Variants in HNRNPCL1 observed in about 807,000 individuals in gnomAD.
The protein encoded by HNRNPCL1 is heterogeneous nuclear ribonucleoprotein C-like 1.
In HNRNPCL1, 15 loss-of-function variants were observed where a neutral mutation model predicts 19.0. The ratio of observed to expected loss-of-function variants is 0.79; its 90% CI spans 0.53 to 1.22. The LOEUF is 1.22. Among genes scored for constraint, HNRNPCL1 ranks in the 50% most tolerant of loss-of-function variants. The pLI is 0.00. For missense variants in HNRNPCL1, 327 were observed against 354.7 expected (o/e 0.92, Z 0.63); for synonymous variants, 110 against 129.1 (o/e 0.85, Z 1.00).
At position 12,847,680 on chromosome 1, in the gene HNRNPCL1, T is replaced by C. The variant is rs141872266; in HGVS notation, c.610A>G (p.Ile204Val). 0.043 allele frequency: 67,896 copies of C among 1,580,228 alleles called. 912 individuals carry two copies. The highest frequency in any genetic ancestry group is 0.21 in the East Asian group (9,316 of 43,590). ...TCTTGTTTGCTCTGTTCCTTTTCAA[T>C]TTTTTCCAGGTTTTCCAGGAGAGAA... ...VDSLLENLEKIEKEQSKQEVE... is the reference protein window; with the variant it reads ...VDSLLENLEKVEKEQSKQEVE... Residue 204 changes from isoleucine to valine, a missense_variant, in exon 2 of 2, where the codon ATT becomes GTT. By Grantham distance (29) the Ile-to-Val change is conservative. Transcript: ENST00000317869.
At position 12,848,019 on chromosome 1, in the gene HNRNPCL1, T is replaced by A. The variant is rs768356965; in HGVS notation, c.271A>T (p.Asn91Tyr). 6.2e-7 allele frequency: 1 copy of A among 1,607,400 alleles called. No homozygotes were observed. The change falls in exon 2 of 2, where the codon AAC becomes TAC. Residue 91 changes from asparagine (N) to tyrosine (Y), a missense_variant. By Grantham distance (143) the Asn-to-Tyr change is moderately radical. Around this residue, in one of 2 missense-constraint regions of HNRNPCL1, gnomAD observed 281 missense variants for 254.7 expected, o/e 1.10. Transcript: ENST00000317869. ...DINLAAEPKV[N>Y]RGNAGVKRSA... is the part of the protein sequence containing the mutation. ...CGTTTCACACCTGCGTTTCCTCGGT[T>A]CACTTTTGGCTCCGCAGCCAGGTTA...
rs75660350 is a variant in HNRNPCL1 at position 12,847,780 on chromosome 1, G to A, written c.510C>T (p.Ser170=). 0.05 allele frequency: 79,708 copies of A among 1,602,084 alleles called. 1,517 individuals carry two copies. The highest frequency in any genetic ancestry group is 0.22 in the East Asian group (9,774 of 44,392). The change falls in exon 2 of 2, where the codon TCC becomes TCT. Residue 170 remains serine, a synonymous_variant. Coordinates refer to ENST00000317869, the MANE Select transcript of HNRNPCL1 (RefSeq NM_001013631.3). ...CATCACCTTTCAACTTTCCAGACTT[G>A]GAAGATCCCCGCTTTCCACTCTTAG... The part of the protein sequence containing the change: ...FNSKSGKRGS[S]KSGKLKGDDL...
At chr1:12,848,648 A>G in intron 1 of HNRNPCL1, 33 bp downstream of exon 1, 1 of 289,362 alleles carries the variant, frequency 3.5e-6, no homozygotes, top group South Asian at 7.2e-5. Flanking sequence ...TGTAGGTCAG[A>G]TGGGAGTGTC....
chr1:12,847,846 T>C lies in HNRNPCL1; in HGVS notation c.444A>G (p.Leu148=). Residue 148 remains leucine, a synonymous_variant, in exon 2 of 2, where the codon CTA becomes CTG. Coordinates refer to ENST00000317869, the MANE Select transcript of HNRNPCL1 (RefSeq NM_001013631.3). ...LAVVPSKRQR[L]SGNTSRRGKS... is the part of the protein sequence containing the mutation. ...TGCCCCTTCGTGAGGTGTTTCCTGA[T>C]AGACGTTGACGTTTCGAGGGCACTA... The C allele has an allele frequency of 3.1e-6, 5 of 1,606,664 alleles. 1 individual carries two copies. Among genetic ancestry groups the C allele is most frequent in the Non-Finnish European group, 4.2e-6 (5 of 1,176,546 alleles).
At position 12,847,928 on chromosome 1, in the gene HNRNPCL1, T is replaced by C. The variant is rs28441396; in HGVS notation, c.362A>G (p.Asp121Gly). 61 of 1,606,752 alleles carry C rather than the reference T, an allele frequency of 3.8e-5. 5 individuals carry two copies. Among genetic ancestry groups the C allele is most frequent in the African/African-American group, 2.7e-4 (20 of 74,288 alleles). The stretch of plus-strand genomic sequence containing the variant: ...ACGTGCTGGGAAACTGTACATTCCA[T>C]CATAATAATCCCGTTGAAAGCCATA... ...LDYGFQRDYY[D>G]GMYSFPARVP... The change falls in exon 2 of 2, where the codon GAT becomes GGT. Residue 121 changes from aspartate (D) to glycine (G), a missense_variant. By Grantham distance (94) the Asp-to-Gly change is moderately conservative. This residue lies in a region of HNRNPCL1 where 281 missense variants were observed against 254.7 expected (regional missense o/e 1.10). Coordinates refer to ENST00000317869, the MANE Select transcript of HNRNPCL1 (RefSeq NM_001013631.3).
Position 12,848,385 on chromosome 1 carries a change from G to C in HNRNPCL1, c.-96C>G, listed in dbSNP as rs536977401. 8.3e-5 allele frequency: 121 copies of C among 1,454,910 alleles called. 3 individuals carry two copies. Among genetic ancestry groups the C allele is most frequent in the Middle Eastern group, 1.8e-4 (1 of 5,440 alleles). 90.1% of individuals were successfully genotyped at this position (1,454,910 alleles called of 1,614,324 possible). On this transcript the variant is annotated 5_prime_UTR_variant, in exon 2 of 2. Transcript: ENST00000317869. ...GTCTCCTACTGCCGGGTTCTACGGG[G>C]AGAAACTGACTGCGGCTCGAGGCCA...
chr1:12,848,532 A>G, intron 1 of HNRNPCL1, 62 bp from the exon 2 acceptor site: 2 of 819,486 alleles, frequency 2.4e-6, no homozygotes, highest in East Asian at 5.5e-5. Context: ...TTGCATTTAG[A>G]AAAAAAATCA....
intron 1 of HNRNPCL1, 93 bp from the exon 2 acceptor site, chr1:12,848,563 GA>G (rs1418774563): frequency 9.3e-6 from 6 of 643,208 alleles, no homozygotes; most frequent in African/African-American, 9.3e-5. Context: ...GTGTTCATAT[GA>G]AAAAAAGAAA....
Position 12,847,594 on chromosome 1 carries a change from A to T in HNRNPCL1, c.696T>A (p.Asp232Glu). The change falls in exon 2 of 2, where the codon GAT becomes GAA. Residue 232 changes from aspartate to glutamate, a missense_variant. Coordinates refer to ENST00000317869, the MANE Select transcript of HNRNPCL1 (RefSeq NM_001013631.3). ...CAGACTCCATCTTCACATGAGTCTC[A>T]TCTTTCTTCATGGAGCTACTGCTCT... ...EEQSSSSMKK[D>E]ETHVKMESEG... 1 of 1,606,508 alleles carries T rather than the reference A, an allele frequency of 6.2e-7. No individual in the cohort carries two copies. The highest frequency in any genetic ancestry group is 8.5e-7 in the Non-Finnish European group (1 of 1,176,546).
At position 12,847,835 on chromosome 1, in the gene HNRNPCL1, G is replaced by A. The variant is rs533054323; in HGVS notation, c.455C>T (p.Thr152Ile). Residue 152 changes from threonine to isoleucine, a missense_variant, in exon 2 of 2, where the codon ACC becomes ATC. By Grantham distance (89) the Thr-to-Ile change is moderately conservative. Around this residue, in one of 2 missense-constraint regions of HNRNPCL1, gnomAD observed 281 missense variants for 254.7 expected, o/e 1.10. Coordinates refer to ENST00000317869, the MANE Select transcript of HNRNPCL1 (RefSeq NM_001013631.3). ...PSKRQRLSGN[T>I]SRRGKSGFNS... The stretch of plus-strand genomic sequence containing the variant: ...GAAGCCACTTTTGCCCCTTCGTGAG[G>A]TGTTTCCTGATAGACGTTGACGTTT... The A allele has an allele frequency of 6.2e-7, 1 of 1,606,714 alleles. No homozygotes were observed. The highest frequency in any genetic ancestry group is 2.2e-5 in the East Asian group (1 of 44,680).
Position 12,847,379 on chromosome 1 carries a change from G to C in HNRNPCL1, c.*29C>G. 1 of 1,604,482 alleles carries C rather than the reference G, an allele frequency of 6.2e-7. No homozygotes were observed. The highest frequency in any genetic ancestry group is 8.5e-7 in the Non-Finnish European group (1 of 1,175,090). On this transcript the variant is annotated 3_prime_UTR_variant, in exon 2 of 2. Transcript: ENST00000317869. ...CAAGCTCCTAGGTAAAGAAACAATG[G>C]GATAAGATTTCTCAACCCCACTATG... is the stretch of plus-strand genomic sequence containing the variant.
Position 12,848,261 on chromosome 1 carries a change from T to A in HNRNPCL1, c.29A>T (p.Asp10Val). 1 of 1,505,390 alleles carries A rather than the reference T, an allele frequency of 6.6e-7. No individual in the cohort carries two copies. The highest frequency in any genetic ancestry group is 8.9e-7 in the Non-Finnish European group (1 of 1,122,328). 93.3% of individuals were successfully genotyped at this position (1,505,390 alleles called of 1,614,324 possible). ...CACACGGGAGTTCATGGAGTGAGGA[T>A]CCATCTTGTTGGTAACGTTGCTGGC... The part of the protein sequence containing the change: MASNVTNKM[D>V]PHSMNSRVFI... Residue 10 changes from aspartate (D) to valine (V), a missense_variant, in exon 2 of 2, where the codon GAT (aspartate) becomes GTT (valine). This residue lies in a region of HNRNPCL1 where 46 missense variants were observed against 100.0 expected (regional missense o/e 0.46). Coordinates refer to ENST00000317869, the MANE Select transcript of HNRNPCL1 (RefSeq NM_001013631.3).
chr1:12,847,918 G>A lies in HNRNPCL1; in HGVS notation c.372C>T (p.Tyr124=), dbSNP rs749600672. The change falls in exon 2 of 2, where the codon TAC becomes TAT. Residue 124 remains tyrosine, a synonymous_variant. Coordinates refer to ENST00000317869, the MANE Select transcript of HNRNPCL1 (RefSeq NM_001013631.3). ...GFQRDYYDGM[Y]SFPARVPPPP... ...GAGGAGGTACACGTGCTGGGAAACT[G>A]TACATTCCATCATAATAATCCCGTT... The A allele has an allele frequency of 6.2e-7, 1 of 1,606,648 alleles. No homozygotes were observed. Among genetic ancestry groups the A allele is most frequent in the Non-Finnish European group, 8.5e-7 (1 of 1,176,586 alleles).
Position 12,847,830 on chromosome 1 carries a change from G to C in HNRNPCL1, c.460C>G (p.Arg154Gly), listed in dbSNP as rs142211889. 3.1e-6 allele frequency: 5 copies of C among 1,606,518 alleles called. No homozygotes were observed. The highest frequency in any genetic ancestry group is 4.2e-6 in the Non-Finnish European group (5 of 1,176,600). ...KRQRLSGNTS[R>G]RGKSGFNSKS... ...GAATTGAAGCCACTTTTGCCCCTTC[G>C]TGAGGTGTTTCCTGATAGACGTTGA... Residue 154 changes from arginine (R) to glycine (G), a missense_variant, in exon 2 of 2, where the codon CGA (arginine) becomes GGA (glycine). Physicochemically the swap from Arg to Gly is moderately radical, Grantham distance 125. Around this residue, in one of 2 missense-constraint regions of HNRNPCL1, gnomAD observed 281 missense variants for 254.7 expected, o/e 1.10. Coordinates refer to ENST00000317869, the MANE Select transcript of HNRNPCL1 (RefSeq NM_001013631.3).
At position 12,847,565 on chromosome 1, in the gene HNRNPCL1, C is replaced by G. The variant is rs776088953; in HGVS notation, c.725G>C (p.Gly242Ala). The G allele has an allele frequency of 1.2e-5, 19 of 1,606,498 alleles. 3 individuals are homozygous for G. Among genetic ancestry groups the G allele is most frequent in the African/African-American group, 2.7e-5 (2 of 74,204 alleles). Reference sequence around the variant, plus strand: ...CTCCTCAGCAGAGTCTTCTGCACCCCCCTCAGACTCCATCTTCACATGAGT... The same window carrying G: ...CTCCTCAGCAGAGTCTTCTGCACCCGCCTCAGACTCCATCTTCACATGAGT... ...DETHVKMESEGGAEDSAEEGD... is the reference protein window; with the variant it reads ...DETHVKMESEAGAEDSAEEGD... Residue 242 changes from glycine to alanine, a missense_variant, in exon 2 of 2, where the codon GGG becomes GCG. By Grantham distance (60) the Gly-to-Ala change is moderately conservative. Coordinates refer to ENST00000317869, the MANE Select transcript of HNRNPCL1 (RefSeq NM_001013631.3).
In HNRNPCL1 at chr1:12,847,799, C is replaced by G; in HGVS notation, c.491G>C (p.Ser164Thr). Residue 164 changes from serine to threonine, a missense_variant, in exon 2 of 2, where the codon AGT (serine) becomes ACT (threonine). Physicochemically the swap from Ser to Thr is moderately conservative, Grantham distance 58 (BLOSUM62 1). Transcript: ENST00000317869. ...RRGKSGFNSK[S>T]GKRGSSKSGK... ...AGACTTGGAAGATCCCCGCTTTCCA[C>G]TCTTAGAATTGAAGCCACTTTTGCC... is the stretch of plus-strand genomic sequence containing the variant. 6.2e-7 allele frequency: 1 copy of G among 1,606,852 alleles called. No homozygotes were observed. Among genetic ancestry groups the G allele is most frequent in the Non-Finnish European group, 8.5e-7 (1 of 1,176,624 alleles).
At chr1:12,848,598 CCGT>C in intron 1 of HNRNPCL1, 80 bp downstream of exon 1, 1 of 490,146 alleles carries the variant, frequency 2.0e-6, no homozygotes, top group South Asian at 3.3e-5. Flanking sequence ...TAGTTCTGTG[CCGT>C]CGTAGGCTGC....
At chr1:12,848,503 T>G in intron 1 of HNRNPCL1, 33 bp from the exon 2 acceptor site, 1 of 994,460 alleles carries the variant, frequency 1.0e-6, no homozygotes, top group South Asian at 2.2e-5. Context: ...ACAACAACAT[T>G]TTTGAAATAA....
chr1:12,848,500 C>T (rs1468297626), intron 1 of HNRNPCL1, 30 bp from the exon 2 acceptor site: 24 of 989,898 alleles, frequency 2.4e-5, no homozygotes, highest in Non-Finnish European at 3.4e-5. Context: ...AGCACAACAA[C>T]ATTTTTGAAA....
Sources: allele counts gnomAD v4.1 joint callset, GRCh38; gene constraint gnomAD v4.1.1; regional missense constraint gnomAD v4.1.1; transcripts MANE v1.5; gene names NCBI Gene and HGNC (gene_info 2026-07-23, HGNC 2026-07-21).